Variants in DAPK1 observed in about 807,000 individuals in gnomAD.
DAPK1 encodes death-associated protein kinase 1.
DAPK1 carries 56 observed loss-of-function variants against 144.9 expected under a neutral mutation model. The observed-to-expected ratio is 0.39, with a 90% CI of 0.31 to 0.48. The LOEUF (loss-of-function observed/expected upper bound fraction) is 0.48, where lower values mean the gene tolerates loss of function less well. Ranked by LOEUF, DAPK1 falls within the 20% of genes least tolerant of loss-of-function variation. The pLI, the probability that DAPK1 is intolerant of heterozygous loss-of-function variation, is 0.95. For missense variants in DAPK1, 1,454 were observed against 1,875.4 expected, an observed-to-expected ratio of 0.78 and a Z score of 4.15; for synonymous variants, 690 against 749.0, an observed-to-expected ratio of 0.92 and a Z score of 1.29.
intron 2 of DAPK1, among the ~76,000 whole-genome samples, chr9:87,538,148 A>G (rs1443331069): frequency 6.6e-6 from 1 of 152,220 alleles, no homozygotes; most frequent in African/African-American, 2.4e-5. Flanking sequence ...TTCAGAGGAA[A>G]TTTAAGATGT....
At chr9:87,611,464 T>C (rs1828925398) in intron 3 of DAPK1, among the ~76,000 whole-genome samples, 1 of 152,156 alleles carries the variant, frequency 6.6e-6, no homozygotes, top group South Asian at 2.1e-4. Context: ...ATTGACTTTT[T>C]GGTTTTTTTC....
intron 2 of DAPK1, among the ~76,000 whole-genome samples, chr9:87,598,665 T>C (rs1828404469): frequency 6.6e-6 from 1 of 152,220 alleles, no homozygotes; most frequent in South Asian, 2.1e-4. Flanking sequence ...GCGTCTTCTC[T>C]GACATTGTAT....
At chr9:87,681,708 G>T in intron 20 of DAPK1, 82 bp downstream of exon 20, 2 of 786,778 alleles carry the variant, frequency 2.5e-6, no homozygotes, top group South Asian at 2.9e-5. Flanking sequence ...GGGGGGAAGG[G>T]AGTTGTGTTT....
chr9:87,523,447 C>T (rs1360886954), intron 2 of DAPK1, among the ~76,000 whole-genome samples: 1 of 152,048 alleles, frequency 6.6e-6, no homozygotes, highest in African/African-American at 2.4e-5. Flanking sequence ...TAGACACGAG[C>T]CACAACACCC....
chr9:87,692,189 A>C (rs2117969771), intron 21 of DAPK1, among the ~76,000 whole-genome samples: 1 of 151,890 alleles, frequency 6.6e-6, no homozygotes, highest in Non-Finnish European at 1.5e-5. Context: ...TATGTTTAGA[A>C]CTGTTATATC....
intron 21 of DAPK1, among the ~76,000 whole-genome samples, chr9:87,692,718 T>C (rs1443643702): frequency 2.6e-5 from 4 of 151,522 alleles, no homozygotes; most frequent in Non-Finnish European, 5.9e-5. Context: ...CCTTTAAGCA[T>C]TGTTTATAGA....
chr9:87,611,746 C>T (rs1321971648), intron 3 of DAPK1, among the ~76,000 whole-genome samples: 1 of 152,200 alleles, frequency 6.6e-6, no homozygotes, highest in Non-Finnish European at 1.5e-5. Context: ...TGAGCCACAA[C>T]GCCCAGCCAG....
At chr9:87,544,973 C>G (rs535399949) in intron 2 of DAPK1, among the ~76,000 whole-genome samples, 64 of 152,342 alleles carry the variant, frequency 4.2e-4, no homozygotes, top group African/African-American at 1.5e-3. Context: ...CAAGGCCACT[C>G]TGGACCTGAG....
At chr9:87,631,603 T>C (rs903431449) in intron 3 of DAPK1, among the ~76,000 whole-genome samples, 4 of 152,358 alleles carry the variant, frequency 2.6e-5, no homozygotes, top group African/African-American at 4.8e-5. Flanking sequence ...CTAAATCTGC[T>C]GCACAGACTG....
intron 2 of DAPK1, among the ~76,000 whole-genome samples, chr9:87,600,836 G>A (rs1429738911): frequency 1.3e-5 from 2 of 152,232 alleles, no homozygotes; most frequent in Non-Finnish European, 2.9e-5. Flanking sequence ...GCATGGGTGT[G>A]AGGAGGGGGC....
intron 2 of DAPK1, among the ~76,000 whole-genome samples, chr9:87,578,862 T>G (rs969210660): frequency 6.6e-6 from 1 of 152,232 alleles, no homozygotes; most frequent in African/African-American, 2.4e-5. Flanking sequence ...TTTCGTCTTA[T>G]CTTGGGATTT....
intron 16 of DAPK1, chr9:87,650,476 A>C: frequency 4.0e-6 from 1 of 252,570 alleles, no homozygotes; most frequent in South Asian, 4.5e-5. Context: ...ACAAAGAAAT[A>C]GATGTTTTAC....
At chr9:87,599,864 G>T (rs950395924) in intron 2 of DAPK1, among the ~76,000 whole-genome samples, 1 of 152,096 alleles carries the variant, frequency 6.6e-6, no homozygotes, top group African/African-American at 2.4e-5. Flanking sequence ...TGTCATTTTT[G>T]CACAACCTTG....
intron 17 of DAPK1, among the ~76,000 whole-genome samples, chr9:87,657,066 CT>C (rs1389374248): frequency 6.6e-6 from 1 of 152,090 alleles, no homozygotes; most frequent in Admixed American, 6.5e-5. Flanking sequence ...AATTCCCAAA[CT>C]TTCTCAGTTC....
chr9:87,676,150 G>A (rs1293309001), intron 19 of DAPK1, among the ~76,000 whole-genome samples: 2 of 152,154 alleles, frequency 1.3e-5, no homozygotes, highest in East Asian at 3.9e-4. Context: ...AGAGGTGTTG[G>A]CTGCACATGG....
intron 2 of DAPK1, among the ~76,000 whole-genome samples, chr9:87,564,438 AC>A (rs2118683990): frequency 6.6e-6 from 1 of 152,322 alleles, no homozygotes; most frequent in East Asian, 1.9e-4. Context: ...CTAACAGAAT[AC>A]GTGAGAATGG....
At chr9:87,510,996 AGAGC>A (rs1436375628) in intron 2 of DAPK1, among the ~76,000 whole-genome samples, 4 of 152,206 alleles carry the variant, frequency 2.6e-5, no homozygotes, top group East Asian at 3.9e-4. Flanking sequence ...AGAGAGAGGG[AGAGC>A]GACAGTATAA....
rs1203336790 is a variant in DAPK1, at chr9:87,682,096, T to C, written c.2224+470T>C. On this transcript the variant is annotated intron_variant, in intron 20 of 25. Transcript: ENST00000408954. The stretch of plus-strand genomic sequence containing the variant: ...CTACAGGCAGACCCAGTATTGTAGA[T>C]ACATAGAGCAACAAAAAGGGATTTC... 2.0e-5 allele frequency among the ~76,000 whole-genome samples: 3 copies of C among 152,262 alleles called. No individual in the cohort carries two copies. The South Asian group carries it at 6.2e-4, about 32-fold the overall frequency.
chr9:87,704,415 AAAG>A (rs1383767443), intron 25 of DAPK1, among the ~76,000 whole-genome samples: 2 of 152,200 alleles, frequency 1.3e-5, no homozygotes, highest in East Asian at 3.8e-4. Context: ...ATGAAGATGT[AAAG>A]AAGGAGGGTA....
Sources: allele counts gnomAD v4.1 joint callset (sites outside exome capture counted in the v4.1 genomes callset), GRCh38; gene constraint gnomAD v4.1.1; transcripts MANE v1.5; gene names NCBI Gene and HGNC (gene_info 2026-07-23, HGNC 2026-07-21).